CRISPLD2: variants seen among roughly 807,000 people sequenced by gnomAD.
CRISPLD2 encodes the protein cysteine rich secretory protein LCCL domain containing 2, also known as cysteine-rich secretory protein LCCL domain-containing 2.
In CRISPLD2, 47 loss-of-function variants were observed where a neutral mutation model predicts 71.1. The ratio of observed to expected loss-of-function variants is 0.66; its 90% CI spans 0.52 to 0.84. The LOEUF (loss-of-function observed/expected upper bound fraction) is 0.84. CRISPLD2 is among the 40% of genes least tolerant of loss of function. The probability of loss-of-function intolerance (pLI) is 0.00; values close to 1 mark genes in which losing one functional copy is unlikely to be tolerated. For synonymous variants in CRISPLD2, 317 were observed against 250.1 expected, an observed-to-expected ratio of 1.27 and a Z score of -2.52; for missense variants, 830 against 651.1, an observed-to-expected ratio of 1.27 and a Z score of -2.99.
At chr16:84,904,448 G>A (rs1189041674) in intron 14 of CRISPLD2, among the ~76,000 whole-genome samples, 1 of 152,104 alleles carries the variant, frequency 6.6e-6, no homozygotes, top group Non-Finnish European at 1.5e-5. Context: ...GCCCCGCGTG[G>A]TGGTGTGCAC....
intron 13 of CRISPLD2, 105 bp from the exon 14 acceptor site, chr16:84,889,125 C>A: frequency 6.9e-7 from 1 of 1,455,230 alleles, no homozygotes; most frequent in Non-Finnish European, 9.6e-7. Flanking sequence ...ATGGGGTCCA[C>A]ATCCCACCAG....
intron 5 of CRISPLD2, among the ~76,000 whole-genome samples, 175 bp downstream of exon 5, chr16:84,850,858 C>T (rs745441453): frequency 1.4e-4 from 22 of 152,142 alleles, no homozygotes; most frequent in Non-Finnish European, 1.9e-4. Context: ...AACAAGGACT[C>T]GGGTTCTTTC....
At chr16:84,903,655 C>T (rs1047300164) in intron 14 of CRISPLD2, among the ~76,000 whole-genome samples, 3 of 150,778 alleles carry the variant, frequency 2.0e-5, no homozygotes, top group Admixed American at 6.6e-5. Flanking sequence ...AGTTACTAAA[C>T]GTTAGTGTAG....
At chr16:84,837,583 A>G (rs1051353336) in intron 1 of CRISPLD2, among the ~76,000 whole-genome samples, 1 of 151,286 alleles carries the variant, frequency 6.6e-6, no homozygotes, top group Non-Finnish European at 1.5e-5. Flanking sequence ...CGCCCGGGTA[A>G]TTTTTTGTAT....
chr16:84,843,926 T>TGAGAGGGAAGC (rs1916843081), intron 2 of CRISPLD2, among the ~76,000 whole-genome samples: 1 of 152,068 alleles, frequency 6.6e-6, no homozygotes, highest in Admixed American at 6.5e-5. Context: ...GAGAGGGAAG[T>TGAGAGGGAAGC]GAGGCATGCG....
At chr16:84,897,063 G>A (rs1357819219) in intron 14 of CRISPLD2, among the ~76,000 whole-genome samples, 2 of 152,196 alleles carry the variant, frequency 1.3e-5, no homozygotes, top group Non-Finnish European at 2.9e-5. Context: ...CCTGTCCCTG[G>A]CTGGCCTCTA....
At chr16:84,848,177 G>A (rs577116144) in intron 3 of CRISPLD2, among the ~76,000 whole-genome samples, 5 of 152,286 alleles carry the variant, frequency 3.3e-5, no homozygotes, top group East Asian at 3.9e-4. Flanking sequence ...TTGAGTCTGC[G>A]TGACCTTGAG....
intron 1 of CRISPLD2, among the ~76,000 whole-genome samples, chr16:84,820,557 G>A (rs1224899890): frequency 6.6e-6 from 1 of 152,194 alleles, no homozygotes; most frequent in Non-Finnish European, 1.5e-5. Flanking sequence ...GGACCAGGGT[G>A]ATCTAGTGGC....
chr16:84,892,856 A>G (rs947997001), intron 14 of CRISPLD2, among the ~76,000 whole-genome samples: 15 of 151,590 alleles, frequency 9.9e-5, no homozygotes, highest in African/African-American at 3.4e-4. Flanking sequence ...CACGCCTGTA[A>G]TGCCAGCTAC....
At chr16:84,829,563 C>G (rs1025954542) in intron 1 of CRISPLD2, among the ~76,000 whole-genome samples, 2 of 152,122 alleles carry the variant, frequency 1.3e-5, no homozygotes, top group African/African-American at 4.8e-5. Flanking sequence ...GAGAACACCC[C>G]GACCCCCAGG....
Position 84,872,496 on chromosome 16 carries a change from G to T in CRISPLD2, c.969G>T (p.Leu323=). The change falls in exon 9 of 15, where the codon CTG becomes CTT. Residue 323 remains leucine (L), a synonymous_variant. Transcript: ENST00000262424. Reference sequence around the variant, plus strand: ...ACAAGGCGAAGATCTTTGGAACTCTGTTCTATGAAAGCGTGAGTGTGGCCA... The same window carrying T: ...ACAAGGCGAAGATCTTTGGAACTCTTTTCTATGAAAGCGTGAGTGTGGCCA... ...LNHKAKIFGT[L]FYESSSSICR... 1 of 1,613,752 alleles carries T rather than the reference G, an allele frequency of 6.2e-7. No individual in the cohort carries two copies. The highest frequency in any genetic ancestry group is 8.5e-7 in the Non-Finnish European group (1 of 1,179,786).
intron 2 of CRISPLD2, 101 bp downstream of exon 2, chr16:84,838,836 G>A: frequency 6.9e-7 from 1 of 1,439,682 alleles, no homozygotes. Context: ...GCCAGTGCGT[G>A]TGATGGCTGG....
chr16:84,867,166 G>C, intron 7 of CRISPLD2, 126 bp downstream of exon 7: 1 of 959,088 alleles, frequency 1.0e-6, no homozygotes, highest in Non-Finnish European at 1.6e-6. Context: ...AACAGGGTGC[G>C]GCGAAGCTCA....
At chr16:84,886,540 A>G (rs1289081168) in intron 13 of CRISPLD2, among the ~76,000 whole-genome samples, 2 of 152,114 alleles carry the variant, frequency 1.3e-5, no homozygotes, top group Non-Finnish European at 2.9e-5. Context: ...AAAATTCACC[A>G]TAAGCCAGGC....
intron 6 of CRISPLD2, among the ~76,000 whole-genome samples, chr16:84,864,856 C>T (rs190961958): frequency 4.9e-4 from 74 of 152,292 alleles, no homozygotes; most frequent in Non-Finnish European, 7.3e-4. Context: ...GTGAGCACAT[C>T]CAAGATTAGA....
Position 84,909,484 on chromosome 16 carries a change from T to C in CRISPLD2, c.*2842T>C, listed in dbSNP as rs1447223744. The C allele has an allele frequency of 1.3e-5, 2 of 152,634 alleles. No homozygotes were observed. Among genetic ancestry groups the C allele is most frequent in the African/African-American group, 4.8e-5 (2 of 41,452 alleles). The allele number at this position is 152,634 out of a possible 1,614,324, so 9.5% of individuals were successfully genotyped here. A position where few individuals can be genotyped will look rare whatever the true frequency, so the allele number is the denominator to read the frequency against. On this transcript the variant is annotated 3_prime_UTR_variant, in exon 15 of 15. Coordinates refer to ENST00000262424, the MANE Select transcript of CRISPLD2 (RefSeq NM_031476.4). The stretch of plus-strand genomic sequence containing the variant: ...TCTTTTATGAACAAATCTGAACAAT[T>C]TGTGAAATAAAACATTGAAAACCAT...
chr16:84,871,735 A>ATTTTATATT (rs1567696085), intron 8 of CRISPLD2, among the ~76,000 whole-genome samples: 1 of 151,986 alleles, frequency 6.6e-6, no homozygotes, highest in Non-Finnish European at 1.5e-5. Flanking sequence ...TATTTTTAGT[A>ATTTTATATT]GAGATGGGTT....
intron 14 of CRISPLD2, among the ~76,000 whole-genome samples, chr16:84,900,853 A>T (rs1382118915): frequency 6.6e-6 from 1 of 152,022 alleles, no homozygotes; most frequent in East Asian, 1.9e-4. Flanking sequence ...GGAGTTCGAG[A>T]CCAGCATGGG....
intron 1 of CRISPLD2, among the ~76,000 whole-genome samples, chr16:84,830,570 G>T (rs1366422229): frequency 6.6e-6 from 1 of 152,050 alleles, no homozygotes; most frequent in East Asian, 1.9e-4. Context: ...AGGCGTGGTG[G>T]CATGCACCTC....
Sources: allele counts gnomAD v4.1 joint callset (sites outside exome capture counted in the v4.1 genomes callset), GRCh38; gene constraint gnomAD v4.1.1; transcripts MANE v1.5; gene names NCBI Gene and HGNC (gene_info 2026-07-23, HGNC 2026-07-21).